The following ZDHHC15 variants were observed in gnomAD, a reference collection of about 807,000 sequenced individuals.
ZDHHC15 encodes palmitoyltransferase ZDHHC15.
ZDHHC15 carries 19 observed loss-of-function variants against 31.7 expected under a neutral mutation model. That is an observed-to-expected ratio of 0.60 (90% CI 0.42 to 0.88). The LOEUF (loss-of-function observed/expected upper bound fraction) is 0.88. Ranked by LOEUF, ZDHHC15 falls within the 40% of genes least tolerant of loss-of-function variation. ZDHHC15 has a pLI of 0.00. For synonymous variants in ZDHHC15, 103 were observed against 90.0 expected, an observed-to-expected ratio of 1.14 and a Z score of -0.82; for missense variants, 209 against 251.2, an observed-to-expected ratio of 0.83 and a Z score of 1.14.
rs368338071 is a variant in ZDHHC15 at position 75,451,837 on chromosome X, A to AT, written c.259-916dup. On this transcript the variant is annotated intron_variant, in intron 3 of 11. Coordinates refer to ENST00000373367, the MANE Select transcript of ZDHHC15 (RefSeq NM_144969.3). ...AAATATTTGATGTTGCTGCTAAGAGATTTTGTCACCACCAGGCCTGCCCTA... is the reference window on the plus strand; with the variant it reads ...AAATATTTGATGTTGCTGCTAAGAGATTTTTGTCACCACCAGGCCTGCCCTA... Among the ~76,000 whole-genome samples the AT allele has an allele frequency of 2.6e-3, 292 of 111,353 alleles. 1 individual carries two copies. Among genetic ancestry groups the AT allele is most frequent in the Non-Finnish European group, 3.7e-3 (198 of 53,066 alleles).
intron 3 of ZDHHC15, among the ~76,000 whole-genome samples, chrX:75,477,732 C>T (rs752337414): frequency 1.8e-5 from 2 of 111,744 alleles, no homozygotes; most frequent in African/African-American, 3.2e-5. Context: ...TTTACATTTT[C>T]AACCTATTTA....
At chrX:75,376,882 C>A (rs2083065527) in intron 11 of ZDHHC15, among the ~76,000 whole-genome samples, 1 of 110,505 alleles carries the variant, frequency 9.0e-6, no homozygotes, top group South Asian at 3.8e-4. Flanking sequence ...TTTTTATATA[C>A]AAAATTTAGA....
At chrX:75,434,161 G>A (rs768705031) in intron 4 of ZDHHC15, among the ~76,000 whole-genome samples, 1 of 111,395 alleles carries the variant, frequency 9.0e-6, no homozygotes, top group Non-Finnish European at 1.9e-5. Flanking sequence ...GTTTATTCAG[G>A]TCCTTAGCCC....
intron 1 of ZDHHC15, among the ~76,000 whole-genome samples, chrX:75,508,610 G>T (rs1023756175): frequency 9.1e-6 from 1 of 109,957 alleles, no homozygotes; most frequent in Non-Finnish European, 1.9e-5. Context: ...ATAAACACAC[G>T]TGTGCATGTG....
chrX:75,376,169 A>AT (rs372635493), intron 11 of ZDHHC15, among the ~76,000 whole-genome samples: 5 of 105,381 alleles, frequency 4.7e-5, no homozygotes, highest in East Asian at 5.9e-4. Flanking sequence ...GATGATGAGC[A>AT]TTTTTTTTCA....
At chrX:75,407,162 A>G (rs1328953096) in intron 10 of ZDHHC15, among the ~76,000 whole-genome samples, 1 of 109,414 alleles carries the variant, frequency 9.1e-6, no homozygotes, top group Non-Finnish European at 1.9e-5. Flanking sequence ...AGATGTGGGG[A>G]GTGCCTCTGC....
rs757071992 is a variant in ZDHHC15 at position 75,429,220 on chromosome X, T to C, written c.483-22A>G. On this transcript the variant is annotated intron_variant, in intron 6 of 11. Coordinates refer to ENST00000373367, the MANE Select transcript of ZDHHC15 (RefSeq NM_144969.3). ...AACCCTAAAAAAAAAGAAAAACTAA[T>C]TTGACATCAGGACCTCTTGATTGAG... is the stretch of plus-strand genomic sequence containing the variant. 1.2e-5 allele frequency: 14 copies of C among 1,191,415 alleles called. No homozygotes were observed. The East Asian group carries it at 3.9e-4, about 33-fold the overall frequency.
At chrX:75,436,354 T>A (rs1327527032) in intron 4 of ZDHHC15, among the ~76,000 whole-genome samples, 2 of 111,989 alleles carry the variant, frequency 1.8e-5, no homozygotes, top group African/African-American at 6.5e-5. Context: ...CTGATTTTTG[T>A]TATTTCTTTT....
chrX:75,491,909 T>C (rs1042872875), intron 2 of ZDHHC15, among the ~76,000 whole-genome samples: 3 of 111,363 alleles, frequency 2.7e-5, no homozygotes, highest in Non-Finnish European at 5.6e-5. Flanking sequence ...CCAGCTAACA[T>C]CATAATGACA....
chrX:75,397,054 C>T (rs781437307), intron 10 of ZDHHC15, among the ~76,000 whole-genome samples: 7 of 110,988 alleles, frequency 6.3e-5, no homozygotes, highest in East Asian at 2.8e-4. Flanking sequence ...TGGCTGGGTG[C>T]GGTGGCTCAC....
At chrX:75,481,076 C>T (rs1407353850) in intron 2 of ZDHHC15, among the ~76,000 whole-genome samples, 1 of 110,997 alleles carries the variant, frequency 9.0e-6, no homozygotes, top group Non-Finnish European at 1.9e-5. Flanking sequence ...TGTTATCATA[C>T]TTTTTTCTCT....
chrX:75,390,925 G>A (rs182130719), intron 10 of ZDHHC15, among the ~76,000 whole-genome samples: 16 of 111,705 alleles, frequency 1.4e-4, no homozygotes, highest in African/African-American at 5.2e-4. Context: ...CTTTCAGACA[G>A]GAGAACTCAA....
chrX:75,494,577 A>C (rs1203698559), intron 2 of ZDHHC15, among the ~76,000 whole-genome samples: 1 of 112,211 alleles, frequency 8.9e-6, no homozygotes, highest in Admixed American at 9.5e-5. Flanking sequence ...ACTTGTACCA[A>C]AACAGATATA....
intron 10 of ZDHHC15, among the ~76,000 whole-genome samples, chrX:75,385,629 T>G (rs921695879): frequency 8.1e-5 from 9 of 111,418 alleles, no homozygotes; most frequent in African/African-American, 2.6e-4. Context: ...TGCCCAAAAT[T>G]TCTACTGGAG....
Position 75,493,597 on chromosome X carries a change from C to T in ZDHHC15, c.163+12224G>A, listed in dbSNP as rs189365790. 2.7e-5 allele frequency among the ~76,000 whole-genome samples: 3 copies of T among 111,980 alleles called. No individual in the cohort carries two copies. The East Asian group carries it at 8.4e-4, about 31-fold the overall frequency. On this transcript the variant is annotated intron_variant, in intron 2 of 11. Transcript: ENST00000373367. ...AGCTTATCCACCATGATCAAGTGGG[C>T]TTCATCCCTGGGATGCAAGCCTGGT...
intron 2 of ZDHHC15, among the ~76,000 whole-genome samples, chrX:75,482,322 C>T (rs1188666244): frequency 1.8e-5 from 2 of 111,878 alleles, no homozygotes; most frequent in Non-Finnish European, 3.8e-5. Context: ...GATTTAGCCA[C>T]CCTCTAGAAT....
intron 10 of ZDHHC15, among the ~76,000 whole-genome samples, chrX:75,388,528 C>T (rs1387201487): frequency 8.9e-6 from 1 of 111,914 alleles, no homozygotes; most frequent in Non-Finnish European, 1.9e-5. Flanking sequence ...TAACTTGTTA[C>T]ATCTATGACA....
chrX:75,438,432 T>G (rs1405868954), intron 4 of ZDHHC15, among the ~76,000 whole-genome samples: 1 of 88,706 alleles, frequency 1.1e-5, no homozygotes, highest in Non-Finnish European at 2.3e-5. Flanking sequence ...TTTGTCTTTT[T>G]AAACTGTTGT....
intron 3 of ZDHHC15, among the ~76,000 whole-genome samples, chrX:75,464,650 T>G (rs2084374230): frequency 1.8e-5 from 2 of 111,397 alleles, no homozygotes. Context: ...ACAAGGTTCA[T>G]TCAACATATG....
Sources: allele counts gnomAD v4.1 joint callset (sites outside exome capture counted in the v4.1 genomes callset), GRCh38; gene constraint gnomAD v4.1.1; transcripts MANE v1.5; gene names NCBI Gene and HGNC (gene_info 2026-07-23, HGNC 2026-07-21).